Variants in SLC14A2 observed in about 807,000 individuals in gnomAD.
SLC14A2 encodes urea transporter 2.
A neutral mutation model predicts 104.6 loss-of-function variants in SLC14A2; 91 were observed. The ratio of observed to expected loss-of-function variants is 0.87; its 90% CI spans 0.73 to 1.04. The LOEUF (loss-of-function observed/expected upper bound fraction) is 1.04, where lower values mean the gene tolerates loss of function less well. Among genes scored for constraint, SLC14A2 ranks in the 50% least tolerant of loss-of-function variants. The pLI is 0.00. For synonymous variants in SLC14A2, 476 were observed against 466.4 expected, an observed-to-expected ratio of 1.02 and a Z score of -0.27; for missense variants, 1,189 against 1,156.0, an observed-to-expected ratio of 1.03 and a Z score of -0.41.
At chr18:45,642,733 C>A (rs2045551646) in intron 8 of SLC14A2, among the ~76,000 whole-genome samples, 1 of 151,952 alleles carries the variant, frequency 6.6e-6, no homozygotes, top group Non-Finnish European at 1.5e-5. Flanking sequence ...ATAGGAGGGA[C>A]CTTGGCAGGA....
chr18:45,250,755 C>CTTTTTTTTTTTTTTTTTTTTTTTTTTTT (rs67864793), intron 1 of SLC14A2, among the ~76,000 whole-genome samples: 1 of 93,890 alleles, frequency 1.1e-5, no homozygotes, highest in African/African-American at 4.4e-5. Flanking sequence ...TGGCTTCTTC[C>CTTTTTTTTTTTTTTTTTTTTTTTTTTTT]TTTTTTTTTT....
chr18:45,585,126 CTT>C (rs2144369995), intron 2 of SLC14A2, among the ~76,000 whole-genome samples: 1 of 141,934 alleles, frequency 7.0e-6, no homozygotes, highest in Admixed American at 7.0e-5. Flanking sequence ...CACCTCACCT[CTT>C]TGACACCATG....
chr18:45,644,314 T>C (rs2045583480), intron 10 of SLC14A2, 154 bp downstream of exon 10: 2 of 611,682 alleles, frequency 3.3e-6, no homozygotes, highest in Admixed American at 3.0e-5. Flanking sequence ...TTTCTTTCCC[T>C]GAAGCTGATT....
rs769741944 is a variant in SLC14A2, at chr18:45,636,982, A to G, written c.651-8A>G. The G allele has an allele frequency of 3.1e-6, 5 of 1,612,520 alleles. No homozygotes were observed. The East Asian group carries it at 1.1e-4, about 36-fold the overall frequency. On this transcript the variant is annotated splice_polypyrimidine_tract_variant and splice_region_variant and intron_variant, in intron 5 of 19. Coordinates refer to ENST00000255226, the MANE Select transcript of SLC14A2 (RefSeq NM_007163.4). ...CAGGGATTAACCCTCTGTCTCTTGC[A>G]TCTTCAGCCCAGTTCTTTCTAGTGC...
intron 5 of SLC14A2, among the ~76,000 whole-genome samples, chr18:45,635,959 CAG>C (rs1235975387): frequency 6.6e-6 from 1 of 152,166 alleles, no homozygotes; most frequent in Non-Finnish European, 1.5e-5. Flanking sequence ...AGAAAGCAGA[CAG>C]GGTGTGGATT....
At chr18:45,586,957 T>C (rs1466721868) in intron 2 of SLC14A2, among the ~76,000 whole-genome samples, 1 of 151,882 alleles carries the variant, frequency 6.6e-6, no homozygotes, top group Non-Finnish European at 1.5e-5. Flanking sequence ...TAACTGTCCT[T>C]ACTAGAAAAA....
At chr18:45,335,997 C>T (rs149945169) in intron 1 of SLC14A2, among the ~76,000 whole-genome samples, 10 of 152,254 alleles carry the variant, frequency 6.6e-5, no homozygotes, top group South Asian at 2.1e-4. Flanking sequence ...GCCTCCTTCT[C>T]GCCAAGCTGG....
At chr18:45,550,959 AG>A (rs1425453045) in intron 2 of SLC14A2, among the ~76,000 whole-genome samples, 1 of 152,194 alleles carries the variant, frequency 6.6e-6, no homozygotes, top group Non-Finnish European at 1.5e-5. Flanking sequence ...CAGAGAAGAG[AG>A]GGCTAGAATA....
chr18:45,229,402 T>TTTG (rs2084152432), intron 1 of SLC14A2, among the ~76,000 whole-genome samples: 1 of 151,562 alleles, frequency 6.6e-6, no homozygotes, highest in African/African-American at 2.4e-5. Context: ...CCCGTAGGTT[T>TTTG]TTTGTTTGTT....
intron 19 of SLC14A2, among the ~76,000 whole-genome samples, chr18:45,680,879 T>C (rs903131095): frequency 2.6e-5 from 4 of 152,176 alleles, no homozygotes; most frequent in Non-Finnish European, 4.4e-5. Context: ...GCAGTCTTAG[T>C]GGGGCTTTGG....
chr18:45,297,752 A>G (rs2084930900), intron 1 of SLC14A2, among the ~76,000 whole-genome samples: 1 of 152,210 alleles, frequency 6.6e-6, no homozygotes, highest in Non-Finnish European at 1.5e-5. Context: ...CAGAGACACC[A>G]TTCCCGGCTG....
intron 4 of SLC14A2, among the ~76,000 whole-genome samples, chr18:45,629,665 A>T (rs1304761127): frequency 6.6e-6 from 1 of 152,104 alleles, no homozygotes; most frequent in African/African-American, 2.4e-5. Context: ...TGATTCTTTG[A>T]TTATCCTCCC....
intron 2 of SLC14A2, among the ~76,000 whole-genome samples, chr18:45,486,562 G>A (rs562271082): frequency 3.9e-5 from 6 of 152,078 alleles, no homozygotes; most frequent in African/African-American, 1.4e-4. Flanking sequence ...AAATCTATTA[G>A]CCATCTAGCT....
At chr18:45,534,991 A>T (rs554299852) in intron 2 of SLC14A2, among the ~76,000 whole-genome samples, 2 of 152,218 alleles carry the variant, frequency 1.3e-5, no homozygotes, top group Non-Finnish European at 2.9e-5. Flanking sequence ...GGTTAAATGA[A>T]TTAGCTGGTT....
At chr18:45,503,083 T>C (rs1048819538) in intron 2 of SLC14A2, among the ~76,000 whole-genome samples, 4 of 152,180 alleles carry the variant, frequency 2.6e-5, no homozygotes, top group Admixed American at 2.6e-4. Flanking sequence ...CCCTTGGAAT[T>C]CTAAGAAGGA....
intron 1 of SLC14A2, among the ~76,000 whole-genome samples, chr18:45,478,937 A>G (rs2087440269): frequency 6.6e-6 from 1 of 152,176 alleles, no homozygotes; most frequent in African/African-American, 2.4e-5. Flanking sequence ...GGATGCTTTT[A>G]CAGGCAGCCA....
intron 1 of SLC14A2, among the ~76,000 whole-genome samples, chr18:45,238,030 C>T (rs933705459): frequency 6.6e-6 from 1 of 152,130 alleles, no homozygotes; most frequent in Non-Finnish European, 1.5e-5. Flanking sequence ...CCAGATTCCA[C>T]CCAAGGTCTC....
At chr18:45,472,786 A>G (rs2087276531) in intron 1 of SLC14A2, among the ~76,000 whole-genome samples, 1 of 152,154 alleles carries the variant, frequency 6.6e-6, no homozygotes, top group Non-Finnish European at 1.5e-5. Context: ...GCCCTTTGTC[A>G]GATGGATAGA....
At chr18:45,180,235 T>C in the SLC14A2 span, among the ~76,000 whole-genome samples, 20,227 of 152,198 alleles carry the variant, frequency 0.13, 1,533 homozygotes, top group Middle Eastern at 0.22. Flanking sequence ...TCTCTGTTGC[T>C]AACGAGTCAT....
Sources: allele counts gnomAD v4.1 joint callset (sites outside exome capture counted in the v4.1 genomes callset), GRCh38; gene constraint gnomAD v4.1.1; transcripts MANE v1.5; gene names NCBI Gene and HGNC (gene_info 2026-07-23, HGNC 2026-07-21).